Variants in APOD observed in about 807,000 individuals in gnomAD.
The protein encoded by APOD is apolipoprotein D.
APOD carries 22 observed loss-of-function variants against 20.4 expected under a neutral mutation model. That is an observed-to-expected ratio of 1.08 (90% confidence interval 0.77 to 1.54). The LOEUF (loss-of-function observed/expected upper bound fraction) is 1.54. Among genes scored for constraint, APOD ranks in the 40% most tolerant of loss-of-function variants. The pLI, the probability that APOD is intolerant of heterozygous loss-of-function variation, is 0.00. For synonymous variants in APOD, 97 were observed against 92.4 expected, an observed-to-expected ratio of 1.05 and a Z score of -0.29; for missense variants, 223 against 229.6, an observed-to-expected ratio of 0.97 and a Z score of 0.19.
At chr3:195,577,044 G>T in intron 2 of APOD, 1 of 226,870 alleles carries the variant, frequency 4.4e-6, no homozygotes, top group South Asian at 4.5e-5. Context: ...AAACTTTGCT[G>T]GGTGTGGTGG....
At chr3:195,570,046 G>C (rs866347860) in intron 4 of APOD, among the ~76,000 whole-genome samples, 1 of 151,830 alleles carries the variant, frequency 6.6e-6, no homozygotes, top group South Asian at 2.1e-4. Context: ...TGATATGCCT[G>C]TATTCAGGCC....
chr3:195,571,385 G>A lies in APOD; in HGVS notation c.246-20C>T, dbSNP rs527862025. 1 of 1,547,904 alleles carries A rather than the reference G, an allele frequency of 6.5e-7. No homozygotes were observed. Among genetic ancestry groups the A allele is most frequent in the Admixed American group, 2.0e-5 (1 of 50,748 alleles). On this transcript the variant is annotated intron_variant, in intron 3 of 4. Transcript: ENST00000343267. The stretch of plus-strand genomic sequence containing the variant: ...TCAGCTCTGCAGTGAGTTAAAAAAA[G>A]AAAAAATACAAAAAACGAAAAGAGA...
At chr3:195,579,818 C>G (rs1364793996) in intron 1 of APOD, among the ~76,000 whole-genome samples, 7 of 152,214 alleles carry the variant, frequency 4.6e-5, no homozygotes, top group Admixed American at 4.6e-4. Context: ...CACCCACGGA[C>G]CTCAAAGTGT....
chr3:195,578,856 C>G (rs1409559870), intron 2 of APOD, among the ~76,000 whole-genome samples: 4 of 152,184 alleles, frequency 2.6e-5, no homozygotes, highest in African/African-American at 4.8e-5. Context: ...GGTCCTGTTC[C>G]CCTCAGCCCA....
At chr3:195,582,220 C>CA (rs1214299473) in intron 1 of APOD, among the ~76,000 whole-genome samples, 7 of 151,980 alleles carry the variant, frequency 4.6e-5, no homozygotes, top group South Asian at 2.1e-4. Context: ...ACAACAACAA[C>CA]AAAAAAACTC....
chr3:195,572,307 G>T (rs1387719286), intron 3 of APOD, among the ~76,000 whole-genome samples: 1 of 152,348 alleles, frequency 6.6e-6, no homozygotes, highest in East Asian at 1.9e-4. Flanking sequence ...CCAAGTAAAA[G>T]GAGGCAGTGA....
intron 1 of APOD, 76 bp from the exon 2 acceptor site, chr3:195,579,571 T>C (rs1720301193): frequency 6.7e-7 from 1 of 1,493,650 alleles, no homozygotes. Flanking sequence ...AAGAGTGCTG[T>C]GCCCATGGTC....
intron 1 of APOD, among the ~76,000 whole-genome samples, chr3:195,583,374 A>G (rs989748233): frequency 2.0e-5 from 3 of 152,342 alleles, no homozygotes; most frequent in Non-Finnish European, 2.9e-5. Context: ...ATAGGTTCCA[A>G]TAAGTCATTA....
Position 195,570,917 on chromosome 3 carries a change from A to G in APOD, c.334+360T>C, listed in dbSNP as rs549927700. 2.3e-5 allele frequency: 6 copies of G among 255,448 alleles called. No individual in the cohort carries two copies. The East Asian group carries it at 3.8e-4, about 16-fold the overall frequency. The allele number at this position is 255,448 out of a possible 1,614,324, so 15.8% of individuals were successfully genotyped here. On this transcript the variant is annotated intron_variant, in intron 4 of 4. Coordinates refer to ENST00000343267, the MANE Select transcript of APOD (RefSeq NM_001647.4). ...GCAGGTTGTTCTGCTAATATCTGCT[A>G]ATGTTTCGGGCCCCAGTTTCCTTTG...
At chr3:195,571,253 C>T (rs768404715) in intron 4 of APOD, 24 bp downstream of exon 4, 1 of 1,606,056 alleles carries the variant, frequency 6.2e-7, no homozygotes, top group South Asian at 1.1e-5. Context: ...TCCCTGAATC[C>T]TCCTGGGAAA....
chr3:195,577,228 T>C, intron 2 of APOD: 1 of 325,314 alleles, frequency 3.1e-6, no homozygotes, highest in Non-Finnish European at 5.8e-6. Flanking sequence ...AAAATTCCAT[T>C]TACAATAACA....
At chr3:195,583,129 C>T (rs1260600738) in intron 1 of APOD, 1 of 152,124 alleles carries the variant, frequency 6.6e-6, no homozygotes, top group African/African-American at 2.4e-5. Flanking sequence ...CACAGCACCT[C>T]CTCTGGAGGC....
chr3:195,577,192 A>C (rs1720262879), intron 2 of APOD: 1 of 357,132 alleles, frequency 2.8e-6, no homozygotes, highest in Non-Finnish European at 5.3e-6. Context: ...GTCTCAAAAA[A>C]AAAAAGAAAA....
At chr3:195,572,706 T>G (rs1286018708) in intron 3 of APOD, among the ~76,000 whole-genome samples, 1 of 152,042 alleles carries the variant, frequency 6.6e-6, no homozygotes, top group East Asian at 1.9e-4. Flanking sequence ...AGAGCAGTCG[T>G]ATGTGTTAGA....
chr3:195,582,419 A>C (rs1313832533), intron 1 of APOD, among the ~76,000 whole-genome samples: 1 of 152,220 alleles, frequency 6.6e-6, no homozygotes, highest in African/African-American at 2.4e-5. Context: ...TGAGGAGTTT[A>C]AATACTTTAC....
At chr3:195,574,796 A>G (rs1357497984) in intron 2 of APOD, among the ~76,000 whole-genome samples, 1 of 152,238 alleles carries the variant, frequency 6.6e-6, no homozygotes, top group Admixed American at 6.5e-5. Flanking sequence ...TGAGTAAACG[A>G]TGGCATATCC....
chr3:195,579,178 G>T (rs186067694), intron 2 of APOD, among the ~76,000 whole-genome samples, 161 bp downstream of exon 2: 1 of 152,170 alleles, frequency 6.6e-6, no homozygotes, highest in African/African-American at 2.4e-5. Flanking sequence ...TCTGCCTGCA[G>T]TCTTTATCTC....
intron 2 of APOD, among the ~76,000 whole-genome samples, chr3:195,578,522 G>A (rs1560046512): frequency 6.6e-6 from 1 of 152,158 alleles, no homozygotes; most frequent in Non-Finnish European, 1.5e-5. Flanking sequence ...AGCAACAGTG[G>A]GAGCCTGTGA....
chr3:195,571,578 G>A (rs1431326724), intron 3 of APOD, among the ~76,000 whole-genome samples: 1 of 152,062 alleles, frequency 6.6e-6, no homozygotes, highest in Non-Finnish European at 1.5e-5. Context: ...CTGAGGCCAA[G>A]CAGGGGAAGA....
Sources: allele counts gnomAD v4.1 joint callset (sites outside exome capture counted in the v4.1 genomes callset), GRCh38; gene constraint gnomAD v4.1.1; transcripts MANE v1.5; gene names NCBI Gene and HGNC (gene_info 2026-07-23, HGNC 2026-07-21).